The following STK4 variants were observed in gnomAD, a reference collection of about 807,000 sequenced individuals.
STK4 encodes the protein serine/threonine kinase 4, also known as serine/threonine-protein kinase 4.
In STK4, 30 loss-of-function variants were observed where a neutral mutation model predicts 64.9. That is an observed-to-expected ratio of 0.46 (90% confidence interval 0.35 to 0.63). STK4 has a LOEUF of 0.63. STK4 is among the 20% of genes least tolerant of loss of function. The probability of loss-of-function intolerance (pLI) is 0.01; values close to 1 mark genes in which losing one functional copy is unlikely to be tolerated. For missense variants in STK4, 466 were observed against 598.5 expected, an observed-to-expected ratio of 0.78 and a Z score of 2.31; for synonymous variants, 177 against 199.0, an observed-to-expected ratio of 0.89 and a Z score of 0.93.
chr20:45,041,865 A>C (rs2068619616), intron 10 of STK4, among the ~76,000 whole-genome samples: 1 of 152,110 alleles, frequency 6.6e-6, no homozygotes, highest in South Asian at 2.1e-4. Context: ...AGGCATTAAA[A>C]TGTTGCCAGG....
chr20:44,992,271 T>TA (rs1489997980), intron 5 of STK4, among the ~76,000 whole-genome samples: 167 of 151,886 alleles, frequency 1.1e-3, no homozygotes, highest in Admixed American at 2.4e-3. Context: ...TATTTTATTT[T>TA]TTTTTGAGAC....
intron 9 of STK4, among the ~76,000 whole-genome samples, chr20:45,002,282 C>T (rs2067855620): frequency 6.6e-6 from 1 of 152,192 alleles, no homozygotes; most frequent in South Asian, 2.1e-4. Flanking sequence ...AAATTGTGCC[C>T]ATTTTTATTT....
chr20:45,071,151 G>A (rs916304747), intron 10 of STK4, among the ~76,000 whole-genome samples: 8 of 152,060 alleles, frequency 5.3e-5, no homozygotes, highest in Admixed American at 1.3e-4. Flanking sequence ...TGGAGTATGG[G>A]TATCACAGAA....
At chr20:45,055,902 T>C (rs1441158259) in intron 10 of STK4, among the ~76,000 whole-genome samples, 5 of 152,028 alleles carry the variant, frequency 3.3e-5, no homozygotes, top group Admixed American at 3.3e-4. Context: ...CTGGCTAATT[T>C]TTGTATTTTT....
At chr20:45,068,589 T>C (rs1228817905) in intron 10 of STK4, among the ~76,000 whole-genome samples, 1 of 152,232 alleles carries the variant, frequency 6.6e-6, no homozygotes, top group African/African-American at 2.4e-5. Flanking sequence ...TAATATCAGC[T>C]AAATTCATAA....
intron 10 of STK4, among the ~76,000 whole-genome samples, chr20:45,065,095 G>A (rs115062274): frequency 6.6e-6 from 1 of 151,666 alleles, no homozygotes; most frequent in African/African-American, 2.4e-5. Flanking sequence ...TTAGTAAATG[G>A]GTATTACTAT....
rs186480846 is a variant in STK4, at chr20:44,987,827, T to C, written c.525+531T>C. Among the ~76,000 whole-genome samples, 25 of 152,116 alleles carry C rather than the reference T, an allele frequency of 1.6e-4. No individual in the cohort carries two copies. The South Asian group carries it at 2.1e-3, about 13-fold the overall frequency. On this transcript the variant is annotated intron_variant, in intron 5 of 10. Transcript: ENST00000372806. ...AATTATTTGATTCTACATAAGTATA[T>C]ATGAAAGTATATATAGAAAAATAGA...
intron 10 of STK4, among the ~76,000 whole-genome samples, chr20:45,058,332 T>C (rs1978683272): frequency 6.6e-6 from 1 of 152,196 alleles, no homozygotes; most frequent in Non-Finnish European, 1.5e-5. Context: ...CAGAGTGTTA[T>C]ATACTTTCCA....
chr20:45,015,055 A>G (rs1311612061), intron 9 of STK4, among the ~76,000 whole-genome samples: 1 of 152,244 alleles, frequency 6.6e-6, no homozygotes, highest in African/African-American at 2.4e-5. Flanking sequence ...CAACTAAGAG[A>G]CATGTTTTAG....
rs1451193821 is a variant in STK4, at chr20:44,982,041, C to T, written c.360+98C>T. 9 of 739,650 alleles carry T rather than the reference C, an allele frequency of 1.2e-5. No individual in the cohort carries two copies. In the Admixed American group the frequency reaches 2.3e-4, roughly 19 times the overall value. The allele number at this position is 739,650 out of a possible 1,614,324, so 45.8% of individuals were successfully genotyped here. On this transcript the variant is annotated intron_variant, in intron 4 of 10. Coordinates refer to ENST00000372806, the MANE Select transcript of STK4 (RefSeq NM_006282.5). The stretch of plus-strand genomic sequence containing the variant: ...GGGCATTCTCCTACTAGAGAGACGA[C>T]TGTCAGATTTCCCCTTTTCCATGGT...
intron 10 of STK4, among the ~76,000 whole-genome samples, chr20:45,049,466 C>T (rs960147403): frequency 1.3e-5 from 2 of 152,086 alleles, no homozygotes; most frequent in African/African-American, 4.8e-5. Context: ...GGAGGTTTTC[C>T]ACTTTTGGAA....
At chr20:44,979,962 CAG>C (rs1418269283) in intron 3 of STK4, among the ~76,000 whole-genome samples, 5 of 152,124 alleles carry the variant, frequency 3.3e-5, no homozygotes, top group African/African-American at 1.2e-4. Context: ...GTGTTCCAAA[CAG>C]AGTATGGAAA....
intron 10 of STK4, among the ~76,000 whole-genome samples, chr20:45,047,451 C>CTTTCTCTAACATTT (rs2068714310): frequency 1.3e-5 from 2 of 152,054 alleles, no homozygotes; most frequent in Non-Finnish European, 2.9e-5. Flanking sequence ...CATGTGCAGC[C>CTTTCTCTAACATTT]CTTAGCGAAT....
intron 10 of STK4, among the ~76,000 whole-genome samples, chr20:45,062,843 ATTT>A (rs35335969): frequency 1.9e-5 from 2 of 106,348 alleles, no homozygotes; most frequent in Non-Finnish European, 3.9e-5. Context: ...ACGCCCGGCT[ATTT>A]TTTTTTTTTT....
intron 10 of STK4, among the ~76,000 whole-genome samples, chr20:45,041,804 G>C (rs1285165812): frequency 1.3e-5 from 2 of 151,988 alleles, no homozygotes; most frequent in Non-Finnish European, 2.9e-5. Context: ...ACGTGTCACA[G>C]GAAGAGTGAG....
intron 10 of STK4, among the ~76,000 whole-genome samples, chr20:45,056,931 CTG>C (rs1296460832): frequency 1.3e-5 from 2 of 152,220 alleles, no homozygotes; most frequent in Admixed American, 6.5e-5. Context: ...TTTGACAAGA[CTG>C]GAGCTGATCC....
At chr20:45,064,813 C>T (rs1161727352) in intron 10 of STK4, among the ~76,000 whole-genome samples, 1 of 152,130 alleles carries the variant, frequency 6.6e-6, no homozygotes, top group African/African-American at 2.4e-5. Context: ...TATACTGAAA[C>T]TTTGCTGAAG....
chr20:44,984,186 G>GTTTTTTTT lies in STK4; in HGVS notation c.360+2259_360+2266dup, dbSNP rs11397664. Among the ~76,000 whole-genome samples, 109 of 76,068 alleles carry GTTTTTTTT rather than the reference G, an allele frequency of 1.4e-3. 2 individuals are homozygous for GTTTTTTTT. The highest frequency in any genetic ancestry group is 1.9e-3 in the African/African-American group (37 of 19,048). The allele number at this position is 76,068 out of a possible 152,430, so 49.9% of individuals were successfully genotyped here. Reference sequence around the variant, plus strand: ...GTGCTGGTTTTTTGTTGTTGTCGTTGTTTTTTTTTTTTTTTTTTTTTTTGA... The same window carrying GTTTTTTTT: ...GTGCTGGTTTTTTGTTGTTGTCGTTGTTTTTTTTTTTTTTTTTTTTTTTTTTTTTTTGA... On this transcript the variant is annotated intron_variant, in intron 4 of 10. Coordinates refer to ENST00000372806, the MANE Select transcript of STK4 (RefSeq NM_006282.5).
chr20:45,000,297 A>C, intron 7 of STK4, 95 bp from the exon 8 acceptor site: 1 of 1,435,474 alleles, frequency 7.0e-7, no homozygotes, highest in Non-Finnish European at 9.3e-7. Context: ...TGATTGATTC[A>C]ACACATGTTA....
Sources: allele counts gnomAD v4.1 joint callset (sites outside exome capture counted in the v4.1 genomes callset), GRCh38; gene constraint gnomAD v4.1.1; transcripts MANE v1.5; gene names NCBI Gene and HGNC (gene_info 2026-07-23, HGNC 2026-07-21).